SLC9A9: variants seen among roughly 807,000 people sequenced by gnomAD.
The protein encoded by SLC9A9 is solute carrier family 9 member A9, also known as sodium/hydrogen exchanger 9.
A neutral mutation model predicts 77.8 loss-of-function variants in SLC9A9; 62 were observed. The observed-to-expected ratio is 0.80, with a 90% CI of 0.65 to 0.98. The LOEUF is 0.98. Ranked by LOEUF, SLC9A9 falls within the 50% of genes least tolerant of loss-of-function variation. The probability of loss-of-function intolerance (pLI) is 0.00; values close to 1 mark genes in which losing one functional copy is unlikely to be tolerated. For synonymous variants in SLC9A9, 320 were observed against 283.5 expected (o/e 1.13, Z -1.29); for missense variants, 775 against 774.9 (o/e 1.00, Z 0.00).
chr3:143,355,110 C>G (rs887425462), intron 14 of SLC9A9, among the ~76,000 whole-genome samples: 1 of 152,198 alleles, frequency 6.6e-6, no homozygotes, highest in Non-Finnish European at 1.5e-5. Flanking sequence ...GCTTAACACC[C>G]AGCTCCATCC....
intron 4 of SLC9A9, among the ~76,000 whole-genome samples, chr3:143,718,434 G>T (rs1934411152): frequency 6.6e-6 from 1 of 152,190 alleles, no homozygotes; most frequent in South Asian, 2.1e-4. Flanking sequence ...CTCACAGAAA[G>T]AACATTTCTG....
chr3:143,616,298 A>G (rs1374058382), intron 6 of SLC9A9, among the ~76,000 whole-genome samples: 6 of 152,206 alleles, frequency 3.9e-5, no homozygotes, highest in African/African-American at 1.4e-4. Context: ...AAAACATTAG[A>G]AACAGTGAAT....
intron 9 of SLC9A9, among the ~76,000 whole-genome samples, chr3:143,508,691 T>C (rs770694787): frequency 1.6e-4 from 24 of 152,268 alleles, no homozygotes; most frequent in South Asian, 6.2e-4. Context: ...ATTTCCCCCA[T>C]CTCCAATTTA....
intron 12 of SLC9A9, among the ~76,000 whole-genome samples, chr3:143,428,419 C>A (rs1175472549): frequency 1.3e-5 from 2 of 152,076 alleles, no homozygotes; most frequent in Admixed American, 1.3e-4. Context: ...TCAAAAAGAC[C>A]TCCCCACCCC....
At chr3:143,359,587 C>T (rs946485814) in intron 14 of SLC9A9, among the ~76,000 whole-genome samples, 1 of 152,082 alleles carries the variant, frequency 6.6e-6, no homozygotes, top group Non-Finnish European at 1.5e-5. Context: ...GTAGCTGGAG[C>T]AGAGTGAGCC....
intron 12 of SLC9A9, among the ~76,000 whole-genome samples, chr3:143,456,914 T>C (rs910860090): frequency 2.0e-5 from 3 of 152,206 alleles, no homozygotes; most frequent in Non-Finnish European, 4.4e-5. Context: ...TATTTCTTCT[T>C]GAATGGGTTT....
At chr3:143,500,377 T>C (rs1006155040) in intron 9 of SLC9A9, among the ~76,000 whole-genome samples, 1 of 152,232 alleles carries the variant, frequency 6.6e-6, no homozygotes, top group African/African-American at 2.4e-5. Flanking sequence ...AGGTAAGTTA[T>C]TAACTTTATG....
intron 14 of SLC9A9, among the ~76,000 whole-genome samples, chr3:143,337,106 G>C (rs1469105303): frequency 1.3e-5 from 2 of 152,108 alleles, no homozygotes; most frequent in African/African-American, 2.4e-5. Context: ...TTTATGGATA[G>C]TATGGGAGAG....
chr3:143,593,419 A>G (rs1378315289), intron 6 of SLC9A9, among the ~76,000 whole-genome samples: 1 of 152,254 alleles, frequency 6.6e-6, no homozygotes, highest in Non-Finnish European at 1.5e-5. Context: ...GGGTATATAC[A>G]AAAGGTAGAA....
chr3:143,321,888 T>C (rs2031434605), intron 14 of SLC9A9, among the ~76,000 whole-genome samples: 2 of 152,224 alleles, frequency 1.3e-5, no homozygotes, highest in African/African-American at 4.8e-5. Context: ...ATAGAGTCTC[T>C]TCCCAGGTAA....
intron 6 of SLC9A9, among the ~76,000 whole-genome samples, chr3:143,590,707 T>C (rs74859536): frequency 0.1 from 15,651 of 152,254 alleles, 1,007 homozygotes; most frequent in Middle Eastern, 0.2. Flanking sequence ...ACAGAAATCC[T>C]GTGGCTACAC....
intron 14 of SLC9A9, among the ~76,000 whole-genome samples, chr3:143,319,415 T>A (rs1159245484): frequency 6.6e-6 from 1 of 152,202 alleles, no homozygotes; most frequent in African/African-American, 2.4e-5. Flanking sequence ...GGTGGATTAA[T>A]TAGTGAATGT....
chr3:143,493,394 A>G (rs780541770), intron 11 of SLC9A9, among the ~76,000 whole-genome samples: 2 of 152,182 alleles, frequency 1.3e-5, no homozygotes, highest in African/African-American at 4.8e-5. Flanking sequence ...GGAAAGTCCA[A>G]TGTCCACTCT....
intron 9 of SLC9A9, among the ~76,000 whole-genome samples, chr3:143,499,523 A>C (rs2035893381): frequency 6.6e-6 from 1 of 152,064 alleles, no homozygotes; most frequent in Non-Finnish European, 1.5e-5. Context: ...TAATTCTCAC[A>C]GTTTATTGGT....
chr3:143,334,426 C>G (rs2031864197), intron 14 of SLC9A9, among the ~76,000 whole-genome samples: 1 of 152,212 alleles, frequency 6.6e-6, no homozygotes, highest in Non-Finnish European at 1.5e-5. Context: ...TGAGTTAAGA[C>G]TTAGTCACCC....
chr3:143,713,388 C>T (rs886309630), intron 4 of SLC9A9, among the ~76,000 whole-genome samples: 1 of 152,160 alleles, frequency 6.6e-6, no homozygotes, highest in Non-Finnish European at 1.5e-5. Context: ...GCTGTGTTTG[C>T]TGGCTGGGAG....
At chr3:143,499,281 T>C (rs1436501107) in intron 9 of SLC9A9, among the ~76,000 whole-genome samples, 1 of 152,230 alleles carries the variant, frequency 6.6e-6, no homozygotes, top group Non-Finnish European at 1.5e-5. Context: ...ATATTCAAGT[T>C]TGGATCCATG....
chr3:143,534,406 C>G (rs1294535945), intron 9 of SLC9A9, among the ~76,000 whole-genome samples: 1 of 152,196 alleles, frequency 6.6e-6, no homozygotes, highest in African/African-American at 2.4e-5. Flanking sequence ...CTCAAAATGG[C>G]TGCCCAGAAG....
chr3:143,488,890 G>A (rs941360478), intron 11 of SLC9A9, among the ~76,000 whole-genome samples: 1 of 151,786 alleles, frequency 6.6e-6, no homozygotes, highest in Non-Finnish European at 1.5e-5. Context: ...ATTCTAGCCA[G>A]AGCAATTAAT....
Sources: allele counts gnomAD v4.1 joint callset (sites outside exome capture counted in the v4.1 genomes callset), GRCh38; gene constraint gnomAD v4.1.1; transcripts MANE v1.5; gene names NCBI Gene and HGNC (gene_info 2026-07-23, HGNC 2026-07-21).